STK32A: variants seen among roughly 807,000 people sequenced by gnomAD.
The protein encoded by STK32A is serine/threonine kinase 32A, also known as serine/threonine-protein kinase 32A.
In STK32A, 41 loss-of-function variants were observed where a neutral mutation model predicts 53.2. The ratio of observed to expected loss-of-function variants is 0.77; its 90% CI spans 0.60 to 1.00. The LOEUF (loss-of-function observed/expected upper bound fraction) is 1.00. Among genes scored for constraint, STK32A ranks in the 50% least tolerant of loss-of-function variants. STK32A has a pLI of 0.00. For synonymous variants in STK32A, 166 were observed against 162.8 expected, an observed-to-expected ratio of 1.02 and a Z score of -0.15; for missense variants, 458 against 485.8, an observed-to-expected ratio of 0.94 and a Z score of 0.54.
chr5:147,378,195 G>A (rs896400653), intron 11 of STK32A, among the ~76,000 whole-genome samples: 1 of 152,078 alleles, frequency 6.6e-6, no homozygotes, highest in African/African-American at 2.4e-5. Flanking sequence ...GATACACAAA[G>A]TGCTGTGGGA....
Position 147,310,838 on chromosome 5 carries a change from T to A in STK32A, c.261-13060T>A, listed in dbSNP as rs190171469. ...GCTGTATTATTCTCTGAGGTGGCCA[T>A]CTCAAGAGATTCTGTAGAAAATAAT... On this transcript the variant is annotated intron_variant, in intron 4 of 12. Coordinates refer to ENST00000397936, the MANE Select transcript of STK32A (RefSeq NM_001112724.2). 6.6e-5 allele frequency among the ~76,000 whole-genome samples: 10 copies of A among 152,264 alleles called. No individual in the cohort carries two copies. The East Asian group carries it at 1.9e-3, about 29-fold the overall frequency.
At chr5:147,277,343 A>G (rs1377790482) in intron 2 of STK32A, among the ~76,000 whole-genome samples, 1 of 152,150 alleles carries the variant, frequency 6.6e-6, no homozygotes, top group Non-Finnish European at 1.5e-5. Context: ...TCTCATCATT[A>G]TACATTTCAC....
chr5:147,245,416 T>A (rs993271485), intron 2 of STK32A, among the ~76,000 whole-genome samples: 1 of 152,214 alleles, frequency 6.6e-6, no homozygotes, highest in African/African-American at 2.4e-5. Flanking sequence ...CAACCTTTTT[T>A]AAAAAATCTA....
At chr5:147,281,077 G>GA (rs112234694) in intron 4 of STK32A, among the ~76,000 whole-genome samples, 8,332 of 152,194 alleles carry the variant, frequency 0.055, 276 homozygotes, top group Middle Eastern at 0.11. Flanking sequence ...ATATCCATAG[G>GA]AAAGGAGGAG....
chr5:147,323,156 GC>G (rs1181640807), intron 4 of STK32A, among the ~76,000 whole-genome samples: 1 of 152,228 alleles, frequency 6.6e-6, no homozygotes, highest in East Asian at 1.9e-4. Context: ...GTGAATGGGA[GC>G]GTAGGTCCAG....
chr5:147,240,397 C>T (rs1753521853), intron 2 of STK32A, among the ~76,000 whole-genome samples: 1 of 152,132 alleles, frequency 6.6e-6, no homozygotes, highest in African/African-American at 2.4e-5. Context: ...AGTAAGTTGT[C>T]CAGACCTCTG....
chr5:147,281,219 C>T (rs1390237713), intron 4 of STK32A, among the ~76,000 whole-genome samples: 1 of 152,162 alleles, frequency 6.6e-6, no homozygotes, highest in Non-Finnish European at 1.5e-5. Context: ...CCAAAAATCA[C>T]ACTAGTTCAC....
Position 147,236,540 on chromosome 5 carries a change from A to G in STK32A, c.-97+1341A>G, listed in dbSNP as rs199516166. Among the ~76,000 whole-genome samples the G allele has an allele frequency of 2.0e-5, 3 of 152,178 alleles. No individual in the cohort carries two copies. The East Asian group carries it at 5.8e-4, about 29-fold the overall frequency. On this transcript the variant is annotated intron_variant, in intron 1 of 12. Transcript: ENST00000397936. ...GATTTCTTTCTGAATATGAAAAAAA[A>G]AATCTAATTTGGTTATCCACATGGG...
chr5:147,320,234 T>C (rs1209108937), intron 4 of STK32A, among the ~76,000 whole-genome samples: 3 of 152,206 alleles, frequency 2.0e-5, no homozygotes, highest in African/African-American at 7.2e-5. Context: ...CAGAGTCAGA[T>C]TTATTTCAAG....
intron 4 of STK32A, among the ~76,000 whole-genome samples, chr5:147,302,063 T>C (rs1753167005): frequency 6.6e-6 from 1 of 152,138 alleles, no homozygotes; most frequent in Non-Finnish European, 1.5e-5. Flanking sequence ...AAAGTCCCTT[T>C]TGCCACAAAA....
chr5:147,294,109 C>T (rs1459351364), intron 4 of STK32A, among the ~76,000 whole-genome samples: 2 of 152,176 alleles, frequency 1.3e-5, no homozygotes, highest in African/African-American at 2.4e-5. Flanking sequence ...CAGACTCTGG[C>T]CTTGCACCAG....
intron 7 of STK32A, among the ~76,000 whole-genome samples, chr5:147,358,678 A>C (rs1017652068): frequency 2.6e-5 from 4 of 152,190 alleles, no homozygotes; most frequent in Non-Finnish European, 4.4e-5. Flanking sequence ...GAATACAAGG[A>C]ATACGATTTG....
At chr5:147,289,874 A>G (rs1752521265) in intron 4 of STK32A, among the ~76,000 whole-genome samples, 1 of 152,110 alleles carries the variant, frequency 6.6e-6, no homozygotes, top group Non-Finnish European at 1.5e-5. Flanking sequence ...TCTTTCACCT[A>G]TATGTTTACT....
intron 4 of STK32A, among the ~76,000 whole-genome samples, chr5:147,293,715 A>G (rs1051220790): frequency 6.6e-6 from 1 of 152,016 alleles, no homozygotes; most frequent in South Asian, 2.1e-4. Context: ...TAGGGACAGC[A>G]TGAGGCAAAC....
intron 7 of STK32A, among the ~76,000 whole-genome samples, chr5:147,356,724 A>C (rs1756266283): frequency 6.6e-6 from 1 of 152,174 alleles, no homozygotes; most frequent in South Asian, 2.1e-4. Context: ...TGACACTCAA[A>C]GGAAATGCTC....
chr5:147,239,482 C>T (rs1177754097), intron 1 of STK32A, 57 bp from the exon 2 acceptor site: 2 of 602,728 alleles, frequency 3.3e-6, no homozygotes, highest in East Asian at 5.9e-5. Flanking sequence ...ACAGTCTATA[C>T]TCAGGGTGCC....
At chr5:147,326,747 T>G (rs1754609065) in intron 5 of STK32A, among the ~76,000 whole-genome samples, 1 of 152,120 alleles carries the variant, frequency 6.6e-6, no homozygotes, top group African/African-American at 2.4e-5. Context: ...TTATTTATCA[T>G]CCAAACCAGG....
chr5:147,381,264 C>A (rs1243919549), intron 11 of STK32A, among the ~76,000 whole-genome samples: 2 of 152,142 alleles, frequency 1.3e-5, no homozygotes, highest in Non-Finnish European at 2.9e-5. Flanking sequence ...GATAAGAAAT[C>A]TGCCCGTCAT....
intron 2 of STK32A, among the ~76,000 whole-genome samples, chr5:147,241,342 G>C (rs937117154): frequency 6.6e-6 from 1 of 152,192 alleles, no homozygotes; most frequent in Admixed American, 6.5e-5. Context: ...AGCCGGGCGT[G>C]GTGGTGGACG....
Sources: gnomAD v4.1 joint callset for allele counts (sites outside exome capture counted in the v4.1 genomes callset) on GRCh38, gnomAD v4.1.1 for gene constraint, MANE v1.5 for transcripts, NCBI Gene and HGNC (gene_info 2026-07-23, HGNC 2026-07-21) for gene names.